Variants in EEFSEC observed in about 807,000 individuals in gnomAD.
EEFSEC encodes the protein selenocysteine-specific elongation factor.
In EEFSEC, 43 loss-of-function variants were observed where a neutral mutation model predicts 42.1. The observed-to-expected ratio is 1.02, with a 90% CI of 0.80 to 1.32. The LOEUF (loss-of-function observed/expected upper bound fraction) is 1.32. EEFSEC is among the 40% of genes most tolerant of loss of function. The pLI, the probability that EEFSEC is intolerant of heterozygous loss-of-function variation, is 0.00. For missense variants in EEFSEC, 745 were observed against 803.6 expected (o/e 0.93, Z 0.88); for synonymous variants, 354 against 339.1 (o/e 1.04, Z -0.48).
chr3:128,329,305 C>T (rs1487648073), intron 4 of EEFSEC, among the ~76,000 whole-genome samples: 1 of 152,156 alleles, frequency 6.6e-6, no homozygotes, highest in Non-Finnish European at 1.5e-5. Context: ...AGTGATGTTG[C>T]CCCTGCACAG....
intron 5 of EEFSEC, among the ~76,000 whole-genome samples, chr3:128,346,664 G>A (rs193157379): frequency 5.9e-5 from 9 of 152,212 alleles, no homozygotes; most frequent in Non-Finnish European, 1.0e-4. Flanking sequence ...TGTGTCACTG[G>A]GTGAGGTACT....
At chr3:128,340,018 A>G (rs1419487103) in intron 4 of EEFSEC, among the ~76,000 whole-genome samples, 2 of 152,202 alleles carry the variant, frequency 1.3e-5, no homozygotes, top group Non-Finnish European at 2.9e-5. Context: ...ATGGGAATTA[A>G]GGAAGCTACA....
chr3:128,352,299 T>C (rs2067397230), intron 5 of EEFSEC, among the ~76,000 whole-genome samples: 2 of 152,246 alleles, frequency 1.3e-5, no homozygotes, highest in Non-Finnish European at 2.9e-5. Context: ...GACTTCCTTC[T>C]GATTAAATGA....
At chr3:128,203,592 G>A (rs1407240893) in intron 1 of EEFSEC, among the ~76,000 whole-genome samples, 2 of 152,200 alleles carry the variant, frequency 1.3e-5, no homozygotes, top group African/African-American at 4.8e-5. Flanking sequence ...TCTGCTGCAG[G>A]TGACATGAGT....
intron 4 of EEFSEC, among the ~76,000 whole-genome samples, chr3:128,282,634 G>C (rs547130080): frequency 6.6e-6 from 1 of 152,180 alleles, no homozygotes; most frequent in Non-Finnish European, 1.5e-5. Context: ...AGGGGGACTG[G>C]GGAAGCTGCC....
chr3:128,245,973 A>G (rs1024307325), intron 1 of EEFSEC, among the ~76,000 whole-genome samples: 1 of 152,194 alleles, frequency 6.6e-6, no homozygotes, highest in African/African-American at 2.4e-5. Flanking sequence ...GGGCATTCTT[A>G]TAAGCTCAAA....
intron 4 of EEFSEC, among the ~76,000 whole-genome samples, chr3:128,295,921 C>T (rs1160866989): frequency 1.3e-5 from 2 of 152,174 alleles, no homozygotes; most frequent in Non-Finnish European, 2.9e-5. Context: ...TGCTTTCCAG[C>T]GTGATGTGGT....
the EEFSEC span, among the ~76,000 whole-genome samples, chr3:128,413,980 C>T: frequency 7.1e-6 from 1 of 140,118 alleles, no homozygotes; most frequent in African/African-American, 3.3e-5. Flanking sequence ...GCCGAGGGGC[C>T]GCTGGGCCCA....
intron 2 of EEFSEC, among the ~76,000 whole-genome samples, chr3:128,254,011 C>T (rs28611122): frequency 0.092 from 13,972 of 152,224 alleles, 836 homozygotes; most frequent in Non-Finnish European, 0.13. Context: ...CCCAACCAGG[C>T]CAGGGCAGTG....
intron 4 of EEFSEC, among the ~76,000 whole-genome samples, chr3:128,323,457 G>A (rs1253039352): frequency 6.6e-6 from 1 of 152,196 alleles, no homozygotes; most frequent in African/African-American, 2.4e-5. Context: ...GTTATTTGAA[G>A]TGCTGGAAAC....
At chr3:128,203,145 T>A (rs1358277962) in intron 1 of EEFSEC, among the ~76,000 whole-genome samples, 1 of 152,198 alleles carries the variant, frequency 6.6e-6, no homozygotes, top group African/African-American at 2.4e-5. Context: ...TATAAATGAA[T>A]GGTTACACCC....
At chr3:128,316,947 T>G (rs926908077) in intron 4 of EEFSEC, among the ~76,000 whole-genome samples, 1 of 152,240 alleles carries the variant, frequency 6.6e-6, no homozygotes, top group African/African-American at 2.4e-5. Context: ...ATGGCACCAC[T>G]ATTTCATTAA....
intron 4 of EEFSEC, among the ~76,000 whole-genome samples, chr3:128,280,971 A>G (rs1559900656): frequency 6.6e-6 from 1 of 152,134 alleles, no homozygotes; most frequent in African/African-American, 2.4e-5. Context: ...ACATTATCAT[A>G]TACAAATACT....
intron 4 of EEFSEC, among the ~76,000 whole-genome samples, chr3:128,281,112 G>A (rs2811524): frequency 0.84 from 127,601 of 152,256 alleles, 53,971 homozygotes; most frequent in East Asian, 0.99. Context: ...TGCTCTCCCC[G>A]CAGCACCATA....
At chr3:128,199,186 A>G (rs925092361) in intron 1 of EEFSEC, among the ~76,000 whole-genome samples, 14 of 152,140 alleles carry the variant, frequency 9.2e-5, no homozygotes, top group African/African-American at 3.4e-4. Flanking sequence ...ACATGTCAAC[A>G]CACCCTGTTT....
At chr3:128,394,868 G>C (rs2067962732) in intron 6 of EEFSEC, among the ~76,000 whole-genome samples, 1 of 152,204 alleles carries the variant, frequency 6.6e-6, no homozygotes, top group African/African-American at 2.4e-5. Context: ...ATGGCTGTGT[G>C]GTCAGAAGGG....
chr3:128,332,807 T>C (rs1045696209), intron 4 of EEFSEC, among the ~76,000 whole-genome samples: 1 of 152,122 alleles, frequency 6.6e-6, no homozygotes, highest in Admixed American at 6.5e-5. Flanking sequence ...AGGTTTGACT[T>C]GTTGTGTGTG....
the EEFSEC span, among the ~76,000 whole-genome samples, chr3:128,425,132 G>A: frequency 6.6e-6 from 1 of 152,214 alleles, no homozygotes; most frequent in Non-Finnish European, 1.5e-5. Context: ...CCCTACCTGA[G>A]TCAAAAGAGA....
At chr3:128,157,193 C>A (rs994472387) in intron 1 of EEFSEC, among the ~76,000 whole-genome samples, 3 of 152,194 alleles carry the variant, frequency 2.0e-5, no homozygotes, top group African/African-American at 7.2e-5. Flanking sequence ...GGCCCTAACT[C>A]TTCAATTCTA....
Sources: allele counts gnomAD v4.1 joint callset (sites outside exome capture counted in the v4.1 genomes callset), GRCh38; gene constraint gnomAD v4.1.1; transcripts MANE v1.5; gene names NCBI Gene and HGNC (gene_info 2026-07-23, HGNC 2026-07-21).